The following DTNA variants were observed in gnomAD, a reference collection of about 807,000 sequenced individuals.
DTNA encodes dystrophin-related protein 3.
DTNA carries 43 observed loss-of-function variants against 100.7 expected under a neutral mutation model. The observed-to-expected ratio is 0.43, with a 90% confidence interval of 0.33 to 0.55. The LOEUF is 0.55. Ranked by LOEUF, DTNA falls within the 20% of genes least tolerant of loss-of-function variation. The pLI, the probability that DTNA is intolerant of heterozygous loss-of-function variation, is 0.04. For missense variants in DTNA, 798 were observed against 953.9 expected, an observed-to-expected ratio of 0.84 and a Z score of 2.15; for synonymous variants, 349 against 347.9, an observed-to-expected ratio of 1.00 and a Z score of -0.04.
At chr18:34,694,834 A>G (rs1409682539) in intron 1 of DTNA, among the ~76,000 whole-genome samples, 2 of 152,162 alleles carry the variant, frequency 1.3e-5, no homozygotes, top group African/African-American at 2.4e-5. Context: ...GCACTAGTAC[A>G]TTATAGATAA....
intron 1 of DTNA, among the ~76,000 whole-genome samples, chr18:34,641,176 T>C (rs2059240193): frequency 6.6e-6 from 1 of 152,164 alleles, no homozygotes; most frequent in Non-Finnish European, 1.5e-5. Flanking sequence ...TAACTATCTA[T>C]TGAATCATAG....
At chr18:34,776,943 C>T (rs1364813676) in intron 3 of DTNA, among the ~76,000 whole-genome samples, 1 of 152,246 alleles carries the variant, frequency 6.6e-6, no homozygotes. Flanking sequence ...GTTCCCTTCA[C>T]CTGGAATTCT....
Position 34,890,153 on chromosome 18 carries a change from A to G in DTNA, c.*2419A>G. ...CTAAGATTTGAACTGTTCTGCTGAT[A>G]ACCTTCCCCGTTGTCATAGCTATTT... On this transcript the variant is annotated 3_prime_UTR_variant, in exon 23 of 23. Transcript: ENST00000444659. The G allele has an allele frequency of 1.4e-6, 2 of 1,435,420 alleles. No homozygotes were observed. The highest frequency in any genetic ancestry group is 3.1e-5 in the South Asian group (2 of 65,414). The allele number at this position is 1,435,420 out of a possible 1,614,324, so 88.9% of individuals were successfully genotyped here.
intron 1 of DTNA, among the ~76,000 whole-genome samples, chr18:34,667,430 A>G (rs992031138): frequency 7.2e-5 from 11 of 152,182 alleles, no homozygotes; most frequent in South Asian, 2.1e-4. Context: ...TCTCCTGCCT[A>G]ATTGCCCTGG....
chr18:34,781,921 G>C (rs537886806), intron 3 of DTNA, among the ~76,000 whole-genome samples: 13 of 152,146 alleles, frequency 8.5e-5, no homozygotes, highest in Non-Finnish European at 1.3e-4. Context: ...ATTTCTAAAG[G>C]ACAAGTAGGA....
intron 1 of DTNA, among the ~76,000 whole-genome samples, chr18:34,592,625 A>G (rs1266872261): frequency 6.6e-6 from 1 of 151,802 alleles, no homozygotes; most frequent in Non-Finnish European, 1.5e-5. Flanking sequence ...TTTTTCCACA[A>G]TTCTTACAAC....
Position 34,872,632 on chromosome 18 carries a change from A to C in DTNA, c.1744-2607A>C, listed in dbSNP as rs548489411. Among the ~76,000 whole-genome samples, 4 of 152,284 alleles carry C rather than the reference A, an allele frequency of 2.6e-5. No individual in the cohort carries two copies. In the South Asian group the frequency reaches 8.3e-4, roughly 32 times the overall value. On this transcript the variant is annotated intron_variant, in intron 17 of 22. Coordinates refer to ENST00000444659, the MANE Select transcript of DTNA (RefSeq NM_001386795.1). The stretch of plus-strand genomic sequence containing the variant: ...AGAGATTGTAGGCCTGTACTTCTGT[A>C]CCAATTGATAAACAGTCCAAGGCCC...
intron 10 of DTNA, chr18:34,828,934 G>C: frequency 7.9e-7 from 1 of 1,264,878 alleles, no homozygotes; most frequent in South Asian, 1.2e-5. Flanking sequence ...GGGAAGACCT[G>C]ATGTGATGTT....
intron 22 of DTNA, among the ~76,000 whole-genome samples, chr18:34,885,105 A>G (rs2096909289): frequency 6.6e-6 from 1 of 152,230 alleles, no homozygotes. Context: ...CCATGACAAT[A>G]TCGGAGTTTG....
At chr18:34,666,269 GT>G (rs1158533789) in intron 1 of DTNA, among the ~76,000 whole-genome samples, 204 of 148,368 alleles carry the variant, frequency 1.4e-3, no homozygotes, top group African/African-American at 4.5e-3. Context: ...TGATGGGGTT[GT>G]TTTTTTTTTC....
chr18:34,857,051 C>A (rs112639543), intron 15 of DTNA, among the ~76,000 whole-genome samples: 3 of 152,330 alleles, frequency 2.0e-5, no homozygotes, highest in African/African-American at 7.2e-5. Context: ...CAGGGCCCAG[C>A]AACACAGGGA....
intron 1 of DTNA, among the ~76,000 whole-genome samples, chr18:34,667,910 G>A (rs1481536889): frequency 6.6e-6 from 1 of 152,248 alleles, no homozygotes; most frequent in Admixed American, 6.5e-5. Context: ...TCTCTGCCAG[G>A]CTTTGGCATC....
intron 1 of DTNA, among the ~76,000 whole-genome samples, chr18:34,625,734 A>G (rs920373998): frequency 1.3e-5 from 2 of 152,248 alleles, no homozygotes; most frequent in Non-Finnish European, 2.9e-5. Flanking sequence ...GTTGGTATCA[A>G]CGTGAGAAAT....
chr18:34,749,501 G>T (rs73422395), intron 1 of DTNA, among the ~76,000 whole-genome samples: 4,973 of 151,968 alleles, frequency 0.033, 281 homozygotes, highest in African/African-American at 0.11. Context: ...TTGCATTTTT[G>T]ATTAGGTCTC....
At chr18:34,724,312 T>C (rs2086071248) in intron 1 of DTNA, among the ~76,000 whole-genome samples, 1 of 152,214 alleles carries the variant, frequency 6.6e-6, no homozygotes, top group African/African-American at 2.4e-5. Flanking sequence ...GGAAAATGAA[T>C]AGCTAAAGTC....
chr18:34,617,186 C>T (rs1032463194), intron 1 of DTNA, among the ~76,000 whole-genome samples: 11 of 151,962 alleles, frequency 7.2e-5, no homozygotes, highest in Admixed American at 2.0e-4. Context: ...AGTGGGCATC[C>T]GTGTCTTCTT....
chr18:34,529,142 C>T (rs1302736421), intron 1 of DTNA, among the ~76,000 whole-genome samples: 2 of 152,118 alleles, frequency 1.3e-5, no homozygotes, highest in African/African-American at 4.8e-5. Flanking sequence ...TTAAATCCAA[C>T]TTGTTTGAGC....
intron 1 of DTNA, among the ~76,000 whole-genome samples, chr18:34,500,848 T>C (rs908196919): frequency 6.6e-6 from 1 of 152,190 alleles, no homozygotes; most frequent in Non-Finnish European, 1.5e-5. Context: ...CAATGTGACA[T>C]GTTAAATCAT....
rs1055193032 is a variant in DTNA, at chr18:34,888,007, A to G, written c.*273A>G. 63 of 985,766 alleles carry G rather than the reference A, an allele frequency of 6.4e-5. No homozygotes were observed. The highest frequency in any genetic ancestry group is 7.1e-5 in the Non-Finnish European group (59 of 829,948). The allele number at this position is 985,766 out of a possible 1,614,324, so 61.1% of individuals were successfully genotyped here. On this transcript the variant is annotated 3_prime_UTR_variant, in exon 23 of 23. Coordinates refer to ENST00000444659, the MANE Select transcript of DTNA (RefSeq NM_001386795.1). The stretch of plus-strand genomic sequence containing the variant: ...AGGTGTGTGTTTCAAGAAGGAAAAA[A>G]AAAGACTTCTGTTCAAAGTTAACTT...
Sources: allele counts gnomAD v4.1 joint callset (sites outside exome capture counted in the v4.1 genomes callset), GRCh38; gene constraint gnomAD v4.1.1; transcripts MANE v1.5; gene names NCBI Gene and HGNC (gene_info 2026-07-23, HGNC 2026-07-21).